The following TMEM50B variants were observed in gnomAD, a reference collection of about 807,000 sequenced individuals.
TMEM50B encodes HCV p7-trans-regulated protein 3.
Under a neutral mutation model 23.4 loss-of-function variants are expected in TMEM50B, and 14 were observed. That is an observed-to-expected ratio of 0.60 (90% CI 0.39 to 0.93). The LOEUF is 0.93. Ranked by LOEUF, TMEM50B falls within the 40% of genes least tolerant of loss-of-function variation. TMEM50B has a pLI of 0.00. For synonymous variants in TMEM50B, 64 were observed against 62.3 expected, an observed-to-expected ratio of 1.03 and a Z score of -0.13; for missense variants, 159 against 193.0, an observed-to-expected ratio of 0.82 and a Z score of 1.04.
chr21:33,454,228 T>C (rs118055299), intron 6 of TMEM50B, among the ~76,000 whole-genome samples: 4,643 of 152,208 alleles, frequency 0.031, 96 homozygotes, highest in Middle Eastern at 0.048. Flanking sequence ...TTACTTTAAC[T>C]TTTCTTAAAA....
chr21:33,468,988 T>G, intron 1 of TMEM50B, 62 bp from the exon 2 acceptor site: 2 of 845,944 alleles, frequency 2.4e-6, no homozygotes, highest in Non-Finnish European at 1.9e-6. Context: ...GTAAAATACC[T>G]TACTCCTTTC....
intron 6 of TMEM50B, among the ~76,000 whole-genome samples, 193 bp downstream of exon 6, chr21:33,455,534 T>C (rs1444829062): frequency 2.6e-5 from 4 of 152,276 alleles, no homozygotes; most frequent in East Asian, 3.9e-4. Flanking sequence ...AGCTAAAGTC[T>C]TGATACACAG....
At chr21:33,478,504 T>C (rs2084394983) in intron 1 of TMEM50B, among the ~76,000 whole-genome samples, 1 of 152,044 alleles carries the variant, frequency 6.6e-6, no homozygotes, top group Non-Finnish European at 1.5e-5. Context: ...TAAAATACGA[T>C]AAATTCTTTA....
At chr21:33,478,887 T>C (rs2084399258) in intron 1 of TMEM50B, 1 of 464,042 alleles carries the variant, frequency 2.2e-6, no homozygotes, top group South Asian at 1.6e-5. Context: ...ACAGTGCAGG[T>C]AGGATGAAGA....
At chr21:33,432,890 CTT>C (rs143248516) in intron 8 of TMEM50B, 1,032 of 1,467,380 alleles carry the variant, frequency 7.0e-4, no homozygotes, top group Non-Finnish European at 7.7e-4. Flanking sequence ...GCACACATCT[CTT>C]TTTTTTTTTT....
intron 8 of TMEM50B, among the ~76,000 whole-genome samples, chr21:33,438,839 C>A (rs1249528353): frequency 1.3e-5 from 2 of 152,082 alleles, no homozygotes; most frequent in Non-Finnish European, 2.9e-5. Context: ...AAGCAATTCT[C>A]CTGCCTCAGC....
intron 5 of TMEM50B, among the ~76,000 whole-genome samples, chr21:33,457,885 C>T (rs1003184576): frequency 1.1e-4 from 16 of 152,074 alleles, no homozygotes; most frequent in Non-Finnish European, 2.1e-4. Context: ...CTTACGTAAA[C>T]GAACTGAAAC....
At chr21:33,460,346 G>A in intron 5 of TMEM50B, 67 bp downstream of exon 5, 1 of 977,080 alleles carries the variant, frequency 1.0e-6, no homozygotes, top group Non-Finnish European at 1.6e-6. Context: ...ACTCAAGGTA[G>A]AGTAAGCCAA....
intron 7 of TMEM50B, among the ~76,000 whole-genome samples, chr21:33,440,932 C>T (rs2084003065): frequency 6.6e-6 from 1 of 151,724 alleles, no homozygotes; most frequent in Admixed American, 6.6e-5. Flanking sequence ...GTTTAAATCA[C>T]ATAAAATGGA....
rs181733439 is a variant in TMEM50B at position 33,458,101 on chromosome 21, T to C, written c.373+2312A>G. Among the ~76,000 whole-genome samples the C allele has an allele frequency of 2.1e-3, 319 of 152,350 alleles. 1 individual carries two copies. The highest frequency in any genetic ancestry group is 7.4e-3 in the African/African-American group (307 of 41,588). ...GGGTGAAGCTCTCCGAACCTCTTCTTGGTTTGCTCAAATTGCTAATTTATC... is the reference window on the plus strand; with the variant it reads ...GGGTGAAGCTCTCCGAACCTCTTCTCGGTTTGCTCAAATTGCTAATTTATC... On this transcript the variant is annotated intron_variant, in intron 5 of 6. Transcript: ENST00000542230.
chr21:33,448,568 C>G (rs1335396084), downstream of TMEM50B, among the ~76,000 whole-genome samples: 1 of 151,940 alleles, frequency 6.6e-6, no homozygotes, highest in South Asian at 2.1e-4. Context: ...GCAAGCTCTG[C>G]CTCCAAGGTT....
intron 8 of TMEM50B, among the ~76,000 whole-genome samples, chr21:33,438,147 G>C (rs1392126479): frequency 1.3e-5 from 2 of 152,194 alleles, no homozygotes; most frequent in Non-Finnish European, 2.9e-5. Flanking sequence ...AGCTAGTCGT[G>C]GTGGTGCACA....
At chr21:33,463,670 A>G (rs2084237437) in intron 4 of TMEM50B, among the ~76,000 whole-genome samples, 1 of 152,178 alleles carries the variant, frequency 6.6e-6, no homozygotes, top group African/African-American at 2.4e-5. Flanking sequence ...GCACTTTGGG[A>G]GGCTGATAGC....
At chr21:33,455,977 ACTC>A in intron 5 of TMEM50B, 193 bp from the exon 6 acceptor site, 1 of 707,280 alleles carries the variant, frequency 1.4e-6, no homozygotes, top group East Asian at 2.7e-5. Context: ...GACTGCTCTT[ACTC>A]TGGATAAAAG....
At chr21:33,465,454 T>TA (rs747433937) in intron 3 of TMEM50B, 45 bp from the exon 4 acceptor site, 1 of 1,441,328 alleles carries the variant, frequency 6.9e-7, no homozygotes, top group Non-Finnish European at 9.7e-7. Flanking sequence ...TATTCGCTGT[T>TA]AAAATACTCA....
At chr21:33,470,630 G>A (rs373237410) in intron 1 of TMEM50B, among the ~76,000 whole-genome samples, 5 of 147,994 alleles carry the variant, frequency 3.4e-5, no homozygotes, top group East Asian at 4.1e-4. Context: ...CCAGCTACTC[G>A]GGAGGCTGAG....
chr21:33,443,708 A>C (rs1160566249), intron 7 of TMEM50B, among the ~76,000 whole-genome samples: 1 of 152,190 alleles, frequency 6.6e-6, no homozygotes, highest in Non-Finnish European at 1.5e-5. Context: ...TATCAATGTT[A>C]ATTTTCTGAC....
chr21:33,460,226 C>T, intron 5 of TMEM50B, 187 bp downstream of exon 5: 1 of 516,544 alleles, frequency 1.9e-6, no homozygotes, highest in East Asian at 3.5e-5. Flanking sequence ...GATTTCCTAA[C>T]CAGGGCTATC....
At chr21:33,445,394 A>G (rs1260410713), downstream of TMEM50B, among the ~76,000 whole-genome samples, 1 of 152,288 alleles carries the variant, frequency 6.6e-6, no homozygotes, top group African/African-American at 2.4e-5. Context: ...CTACAAAAAA[A>G]TGCTCTGGCA....
Sources: allele counts gnomAD v4.1 joint callset (sites outside exome capture counted in the v4.1 genomes callset), GRCh38; gene constraint gnomAD v4.1.1; transcripts MANE v1.5; gene names NCBI Gene and HGNC (gene_info 2026-07-23, HGNC 2026-07-21).